The following NIPA1 variants were observed in gnomAD, a reference collection of about 807,000 sequenced individuals.
NIPA1 encodes the protein NIPA magnesium transporter 1.
Under a neutral mutation model 23.9 loss-of-function variants are expected in NIPA1, and 13 were observed. The ratio of observed to expected loss-of-function variants is 0.54; its 90% CI spans 0.35 to 0.87. The LOEUF is 0.87. Among genes scored for constraint, NIPA1 ranks in the 40% least tolerant of loss-of-function variants. The probability of loss-of-function intolerance (pLI) is 0.01; values close to 1 mark genes in which losing one functional copy is unlikely to be tolerated. For synonymous variants in NIPA1, 234 were observed against 202.9 expected (o/e 1.15, Z -1.30); for missense variants, 362 against 429.7 (o/e 0.84, Z 1.39).
rs199860403 is a variant in NIPA1, at chr15:22,788,919, T to TAA, written c.178+2102_178+2103dup. Among the ~76,000 whole-genome samples the TAA allele has an allele frequency of 3.0e-4, 24 of 78,816 alleles. 3 individuals are homozygous for TAA. Among genetic ancestry groups the TAA allele is most frequent in the East Asian group, 9.8e-4 (2 of 2,046 alleles). The allele number at this position is 78,816 out of a possible 152,430, so 51.7% of individuals were successfully genotyped here. On this transcript the variant is annotated intron_variant, in intron 1 of 4. Transcript: ENST00000337435. ...GAGCGAGAAGAACAAGGCTCTGTCT[T>TAA]AAAAAAAAAAAAAAAAAAGATAAAT...
intron 1 of NIPA1, among the ~76,000 whole-genome samples, chr15:22,799,967 AAAAAG>A (rs1895038705): frequency 8.1e-6 from 1 of 123,816 alleles, no homozygotes; most frequent in African/African-American, 2.8e-5. Flanking sequence ...AAAAAAAAAA[AAAAAG>A]GGAAAGAAAA....
At chr15:22,788,335 A>C (rs1894755979) in intron 1 of NIPA1, among the ~76,000 whole-genome samples, 1 of 151,880 alleles carries the variant, frequency 6.6e-6, no homozygotes, top group African/African-American at 2.4e-5. Flanking sequence ...CCCCATCTCT[A>C]CTAAAAATAC....
At chr15:22,802,775 C>A (rs1895112101) in intron 1 of NIPA1, among the ~76,000 whole-genome samples, 1 of 152,134 alleles carries the variant, frequency 6.6e-6, no homozygotes, top group Non-Finnish European at 1.5e-5. Flanking sequence ...TTTGCCTGTT[C>A]CCATGCTTCA....
chr15:22,787,288 G>C (rs1375553818), intron 1 of NIPA1, among the ~76,000 whole-genome samples: 2 of 152,158 alleles, frequency 1.3e-5, no homozygotes, highest in African/African-American at 4.8e-5. Context: ...CGCTTCAGCC[G>C]ATGCGCGGCC....
At chr15:22,811,488 A>G (rs1374603678) in intron 2 of NIPA1, among the ~76,000 whole-genome samples, 1 of 152,004 alleles carries the variant, frequency 6.6e-6, no homozygotes, top group East Asian at 1.9e-4. Flanking sequence ...ACCTGTTTTC[A>G]AAGCTATTTG....
chr15:22,787,356 C>T (rs557804802), intron 1 of NIPA1, among the ~76,000 whole-genome samples: 12 of 152,342 alleles, frequency 7.9e-5, no homozygotes, highest in African/African-American at 2.4e-4. Context: ...CCCGCAGGGG[C>T]CTCGCTGGTG....
chr15:22,820,851 C>G (rs936168109), intron 4 of NIPA1, among the ~76,000 whole-genome samples: 2 of 152,164 alleles, frequency 1.3e-5, no homozygotes, highest in African/African-American at 4.8e-5. Flanking sequence ...CCTGCCCACT[C>G]TATCTCCACC....
chr15:22,795,421 A>G (rs565794708), intron 1 of NIPA1, among the ~76,000 whole-genome samples: 27 of 152,092 alleles, frequency 1.8e-4, no homozygotes, highest in African/African-American at 6.0e-4. Flanking sequence ...GCTGGAGTCA[A>G]CTCAGTGCCG....
chr15:22,788,569 G>C (rs949178902), intron 1 of NIPA1, among the ~76,000 whole-genome samples: 1 of 151,176 alleles, frequency 6.6e-6, no homozygotes, highest in Non-Finnish European at 1.5e-5. Flanking sequence ...CTGAAAGCAC[G>C]TCACAACCAG....
intron 1 of NIPA1, among the ~76,000 whole-genome samples, chr15:22,798,703 T>G (rs1355316421): frequency 6.7e-6 from 1 of 148,810 alleles, no homozygotes; most frequent in Non-Finnish European, 1.5e-5. Flanking sequence ...AAAAAATTAG[T>G]CGGGTGCCTG....
At chr15:22,811,323 T>A (rs1895310088) in intron 2 of NIPA1, among the ~76,000 whole-genome samples, 1 of 152,106 alleles carries the variant, frequency 6.6e-6, no homozygotes, top group Admixed American at 6.6e-5. Flanking sequence ...AAATATTATG[T>A]TTGGCCAGGC....
chr15:22,823,908 A>G lies in NIPA1; in HGVS notation c.659A>G (p.Asn220Ser), dbSNP rs749617524. Reference protein sequence around the residue: ...GLAAQDILHNNPSSQRALCLC... With the variant: ...GLAAQDILHNSPSSQRALCLC... ...GCGGCCCAAGACATCTTGCATAACA[A>G]CCCGTCCAGTCAGAGAGCCCTCTGC... Residue 220 changes from asparagine to serine, a missense_variant, in exon 5 of 5, where the codon AAC (asparagine) becomes AGC (serine). Around this residue, in one of 2 missense-constraint regions of NIPA1, gnomAD observed 277 missense variants for 372.0 expected, o/e 0.74. Transcript: ENST00000337435. The G allele has an allele frequency of 3.7e-6, 6 of 1,613,932 alleles. No homozygotes were observed. Among genetic ancestry groups the G allele is most frequent in the East Asian group, 2.2e-5 (1 of 44,866 alleles).
chr15:22,810,929 C>G, intron 2 of NIPA1, 133 bp downstream of exon 2: 1 of 766,474 alleles, frequency 1.3e-6, no homozygotes, highest in Non-Finnish European at 2.4e-6. Context: ...TCTCCCCAGG[C>G]CCTAAGCGTG....
chr15:22,823,686 T>C lies in NIPA1; in HGVS notation c.479-42T>C, dbSNP rs377679267. The C allele has an allele frequency of 3.8e-6, 6 of 1,569,136 alleles. No individual in the cohort carries two copies. In the African/African-American group the frequency reaches 8.1e-5, roughly 21 times the overall value. On this transcript the variant is annotated intron_variant, in intron 4 of 4. Transcript: ENST00000337435. ...AGTCCACCTCCTGGGTTGCGGCTGC[T>C]AGGCGGTGGCTCCGGGTGACTGTGT...
intron 1 of NIPA1, among the ~76,000 whole-genome samples, chr15:22,808,211 G>C (rs1047447741): frequency 1.3e-5 from 2 of 152,112 alleles, no homozygotes; most frequent in African/African-American, 2.4e-5. Flanking sequence ...ATGCATTTTG[G>C]GATAGCCACT....
intron 3 of NIPA1, among the ~76,000 whole-genome samples, chr15:22,814,336 C>T (rs1162146874): frequency 3.3e-5 from 5 of 151,482 alleles, no homozygotes; most frequent in Non-Finnish European, 7.4e-5. Context: ...CGGCTCACTG[C>T]AAGCTCTACC....
At chr15:22,797,981 A>G (rs1324911831) in intron 1 of NIPA1, among the ~76,000 whole-genome samples, 3 of 151,286 alleles carry the variant, frequency 2.0e-5, no homozygotes, top group Non-Finnish European at 4.4e-5. Flanking sequence ...AGCAGCTGGG[A>G]CCACAGGCAC....
chr15:22,802,122 G>A (rs4778555), intron 1 of NIPA1, among the ~76,000 whole-genome samples: 80,945 of 151,824 alleles, frequency 0.53, 22,175 homozygotes, highest in East Asian at 0.77. Context: ...GGTCGGGCAC[G>A]GTGGCTCACG....
chr15:22,806,132 C>G (rs1441991176), intron 1 of NIPA1, among the ~76,000 whole-genome samples: 1 of 152,144 alleles, frequency 6.6e-6, no homozygotes, highest in East Asian at 1.9e-4. Context: ...ACCGTGTTAG[C>G]CAGGATGGTC....
Sources: gnomAD v4.1 joint callset for allele counts (sites outside exome capture counted in the v4.1 genomes callset) on GRCh38, gnomAD v4.1.1 for gene constraint, gnomAD v4.1.1 regional missense constraint, MANE v1.5 for transcripts, NCBI Gene and HGNC (gene_info 2026-07-23, HGNC 2026-07-21) for gene names.